The following UST variants were observed in gnomAD, a reference collection of about 807,000 sequenced individuals.
The protein encoded by UST is uronyl 2-sulfotransferase, also known as chondroitin sulfate 2-O-sulfotransferase.
Under a neutral mutation model 45.6 loss-of-function variants are expected in UST, and 21 were observed. That is an observed-to-expected ratio of 0.46 (90% CI 0.33 to 0.66). The LOEUF (loss-of-function observed/expected upper bound fraction) is 0.66. UST is among the 30% of genes least tolerant of loss of function. UST has a pLI of 0.02. For missense variants in UST, 463 were observed against 512.4 expected (o/e 0.90, Z 0.93); for synonymous variants, 215 against 200.6 (o/e 1.07, Z -0.61).
intron 2 of UST, among the ~76,000 whole-genome samples, chr6:148,917,451 G>A (rs1260527035): frequency 6.6e-6 from 1 of 152,222 alleles, no homozygotes; most frequent in Non-Finnish European, 1.5e-5. Context: ...TTTACCCCAT[G>A]AGTCTTAAAA....
intron 1 of UST, among the ~76,000 whole-genome samples, chr6:148,851,416 A>G (rs1001552858): frequency 3.9e-5 from 6 of 152,240 alleles, no homozygotes; most frequent in African/African-American, 1.4e-4. Flanking sequence ...AGAAAAACCA[A>G]GGTAGAAAAT....
chr6:149,021,577 T>C, intron 7 of UST, 96 bp downstream of exon 7: 1 of 1,427,188 alleles, frequency 7.0e-7, no homozygotes, highest in Non-Finnish European at 9.6e-7. Flanking sequence ...AGTGAAATGA[T>C]CTCTTCTGAT....
chr6:148,847,843 T>C (rs978616747), intron 1 of UST, among the ~76,000 whole-genome samples: 2 of 152,232 alleles, frequency 1.3e-5, no homozygotes, highest in African/African-American at 4.8e-5. Context: ...AGAAGATTGA[T>C]TGGAAAACAT....
chr6:148,951,787 G>A (rs1168096212), intron 3 of UST, among the ~76,000 whole-genome samples: 2 of 152,178 alleles, frequency 1.3e-5, no homozygotes, highest in Admixed American at 6.5e-5. Flanking sequence ...ATAAACACGA[G>A]CATTAGTACC....
intron 1 of UST, among the ~76,000 whole-genome samples, chr6:148,844,404 T>G (rs936049221): frequency 3.3e-5 from 5 of 152,162 alleles, no homozygotes; most frequent in Non-Finnish European, 5.9e-5. Context: ...TTTCAATATA[T>G]TCTTTTCTTA....
chr6:148,752,618 A>T (rs1404073886), intron 1 of UST, among the ~76,000 whole-genome samples: 1 of 152,258 alleles, frequency 6.6e-6, no homozygotes, highest in Non-Finnish European at 1.5e-5. Context: ...AATGTGGATT[A>T]TCTAAATACT....
At chr6:148,911,754 G>C (rs73778947) in intron 2 of UST, among the ~76,000 whole-genome samples, 4,161 of 151,722 alleles carry the variant, frequency 0.027, 181 homozygotes, top group African/African-American at 0.092. Flanking sequence ...GTCTTCTTTT[G>C]TATATTGTCT....
chr6:148,786,740 T>C (rs1776741714), intron 1 of UST, among the ~76,000 whole-genome samples: 1 of 152,192 alleles, frequency 6.6e-6, no homozygotes, highest in African/African-American at 2.4e-5. Context: ...TTATACTCCT[T>C]TGGGTATGTG....
chr6:148,989,107 C>T (rs1039176369), intron 5 of UST, among the ~76,000 whole-genome samples: 10 of 151,896 alleles, frequency 6.6e-5, no homozygotes, highest in African/African-American at 2.4e-4. Flanking sequence ...GCACATAATT[C>T]AGTGTTTTTG....
intron 7 of UST, among the ~76,000 whole-genome samples, chr6:149,054,819 G>A (rs1776538508): frequency 2.0e-5 from 3 of 152,136 alleles, no homozygotes; most frequent in African/African-American, 7.2e-5. Flanking sequence ...TTTGTTCTGG[G>A]TGTTTGTTTA....
At chr6:148,973,061 A>C (rs930512564) in intron 5 of UST, among the ~76,000 whole-genome samples, 2 of 151,964 alleles carry the variant, frequency 1.3e-5, no homozygotes, top group Admixed American at 6.5e-5. Context: ...ATTTGGAAAA[A>C]CCTGCATTTG....
At chr6:148,839,618 G>A (rs536404108) in intron 1 of UST, among the ~76,000 whole-genome samples, 2 of 152,328 alleles carry the variant, frequency 1.3e-5, no homozygotes, top group Admixed American at 1.3e-4. Flanking sequence ...AAATCACACT[G>A]TGAGGCAGAG....
Position 149,034,486 on chromosome 6 carries a change from T to G in UST, c.937+13005T>G, listed in dbSNP as rs571319798. 3.5e-4 allele frequency among the ~76,000 whole-genome samples: 52 copies of G among 149,924 alleles called. No homozygotes were observed. The South Asian group carries it at 6.4e-3, about 18-fold the overall frequency. On this transcript the variant is annotated intron_variant, in intron 7 of 7. Coordinates refer to ENST00000367463, the MANE Select transcript of UST (RefSeq NM_005715.3). ...CCTTCCCCCAGAGGCCCTCTCCTCT[T>G]TCCACCCAGAGCTCTTTAAGCTCTA...
Position 149,034,988 on chromosome 6 carries a change from T to G in UST, c.937+13507T>G, listed in dbSNP as rs545530447. On this transcript the variant is annotated intron_variant, in intron 7 of 7. Transcript: ENST00000367463. The stretch of plus-strand genomic sequence containing the variant: ...TAGTGGATACTTTCAGGCTTAAAAC[T>G]CCTGTCTTCTATTTCTGGGAATTCT... Among the ~76,000 whole-genome samples, 3 of 152,198 alleles carry G rather than the reference T, an allele frequency of 2.0e-5. No individual in the cohort carries two copies. The South Asian group carries it at 6.2e-4, about 32-fold the overall frequency.
At chr6:148,947,866 C>T (rs937155172) in intron 3 of UST, among the ~76,000 whole-genome samples, 3 of 150,900 alleles carry the variant, frequency 2.0e-5, no homozygotes, top group East Asian at 2.0e-4. Context: ...GCCCTGCAGA[C>T]GTCTAGTCTT....
At chr6:148,886,939 T>A in intron 1 of UST, 47 bp from the exon 2 acceptor site, 2 of 1,509,580 alleles carry the variant, frequency 1.3e-6, no homozygotes, top group Non-Finnish European at 1.8e-6. Flanking sequence ...CTAAATTCAT[T>A]TGGGATTTAA....
intron 1 of UST, among the ~76,000 whole-genome samples, chr6:148,773,426 A>C (rs1776470599): frequency 6.6e-6 from 1 of 151,744 alleles, no homozygotes. Flanking sequence ...GTGCCACTGT[A>C]CTCCAACCTG....
At chr6:148,868,157 G>C (rs546569916) in intron 1 of UST, among the ~76,000 whole-genome samples, 2 of 150,580 alleles carry the variant, frequency 1.3e-5, no homozygotes, top group East Asian at 3.9e-4. Flanking sequence ...GCTCCCTTTT[G>C]CACCATGATA....
chr6:148,883,857 C>T (rs1169288152), intron 1 of UST, among the ~76,000 whole-genome samples: 6 of 152,176 alleles, frequency 3.9e-5, no homozygotes, highest in Non-Finnish European at 7.3e-5. Flanking sequence ...CTGGGCCAGG[C>T]GCAGTGGCTC....
Sources: allele counts gnomAD v4.1 joint callset (sites outside exome capture counted in the v4.1 genomes callset), GRCh38; gene constraint gnomAD v4.1.1; transcripts MANE v1.5; gene names NCBI Gene and HGNC (gene_info 2026-07-23, HGNC 2026-07-21).